ZFP3: variants seen among roughly 807,000 people sequenced by gnomAD.
The protein encoded by ZFP3 is zinc finger protein 3 homolog.
In ZFP3, 18 loss-of-function variants were observed where a neutral mutation model predicts 36.7. That is an observed-to-expected ratio of 0.49 (90% CI 0.34 to 0.73). ZFP3 has a LOEUF of 0.73. ZFP3 is among the 30% of genes least tolerant of loss of function. ZFP3 has a pLI of 0.01. For missense variants in ZFP3, 495 were observed against 599.0 expected (o/e 0.83, Z 1.81); for synonymous variants, 218 against 199.0 (o/e 1.10, Z -0.81).
rs975579354 is a variant in ZFP3 at position 5,078,677 on chromosome 17, G to C, written c.-9+102G>C. 1 of 152,406 alleles carries C rather than the reference G, an allele frequency of 6.6e-6. No individual in the cohort carries two copies. Among genetic ancestry groups the C allele is most frequent in the Non-Finnish European group, 1.5e-5 (1 of 68,194 alleles). The allele number at this position is 152,406 out of a possible 1,614,324, so 9.4% of individuals were successfully genotyped here. A position where few individuals can be genotyped will look rare whatever the true frequency, so the allele number is the denominator to read the frequency against. On this transcript the variant is annotated intron_variant, in intron 1 of 1. Coordinates refer to ENST00000318833, the MANE Select transcript of ZFP3 (RefSeq NM_153018.3). This position sits in a 1 kb window ranked among gnomAD's most constrained non-coding sequence, Gnocchi z 4.5. ...CCCTACGTTTAGGCCCGTTCTGACC[G>C]GGGTTCGCTGTGTGACCTTGAAGTT...
chr17:5,084,852 G>C (rs2072112890), intron 1 of ZFP3, among the ~76,000 whole-genome samples: 1 of 152,236 alleles, frequency 6.6e-6, no homozygotes, highest in South Asian at 2.1e-4. Flanking sequence ...ATGAGAAGTG[G>C]TGTTTCCATA....
intron 1 of ZFP3, among the ~76,000 whole-genome samples, chr17:5,084,225 T>A (rs1278071773): frequency 1.3e-5 from 2 of 149,630 alleles, no homozygotes; most frequent in African/African-American, 2.5e-5. Flanking sequence ...TGTTGTTAAT[T>A]AATAGATATC....
intron 1 of ZFP3, among the ~76,000 whole-genome samples, chr17:5,082,444 C>T (rs1007267061): frequency 6.6e-6 from 1 of 152,208 alleles, no homozygotes; most frequent in African/African-American, 2.4e-5. Flanking sequence ...AATCCTCTAG[C>T]GTGCCATACA....
Position 5,091,871 on chromosome 17 carries a change from C to G in ZFP3, c.367C>G (p.Leu123Val). 6.2e-7 allele frequency: 1 copy of G among 1,614,164 alleles called. No homozygotes were observed. Among genetic ancestry groups the G allele is most frequent in the Non-Finnish European group, 8.5e-7 (1 of 1,180,012 alleles). The part of the protein sequence containing the change: ...SAFATSGQNF[L>V]EILESNKTQR... Reference sequence around the variant, plus strand: ...ATTTGCTACCTCTGGCCAAAACTTCCTAGAGATTTTAGAATCTAACAAAAC... The same window carrying G: ...ATTTGCTACCTCTGGCCAAAACTTCGTAGAGATTTTAGAATCTAACAAAAC... Residue 123 changes from leucine (L) to valine (V), a missense_variant, in exon 2 of 2, where the codon CTA becomes GTA. Coordinates refer to ENST00000318833, the MANE Select transcript of ZFP3 (RefSeq NM_153018.3).
chr17:5,088,593 C>T (rs2072133236), intron 1 of ZFP3, among the ~76,000 whole-genome samples: 3 of 151,746 alleles, frequency 2.0e-5, no homozygotes, highest in African/African-American at 4.8e-5. Flanking sequence ...GGACTACAGG[C>T]GCCCGCCACC....
Position 5,096,185 on chromosome 17 carries a change from T to C in ZFP3, c.*3172T>C, listed in dbSNP as rs1250435350. 1 of 167,016 alleles carries C rather than the reference T, an allele frequency of 6.0e-6. No homozygotes were observed. The highest frequency in any genetic ancestry group is 1.5e-5 in the Non-Finnish European group (1 of 68,108). 10.3% of individuals were successfully genotyped at this position (167,016 alleles called of 1,614,324 possible). Reference sequence around the variant, plus strand: ...TGCAAATACTATCAAGGAAAGGACATGAATTGTCTTAATTTTAGACCCATT... The same window carrying C: ...TGCAAATACTATCAAGGAAAGGACACGAATTGTCTTAATTTTAGACCCATT... On this transcript the variant is annotated 3_prime_UTR_variant, in exon 2 of 2. Coordinates refer to ENST00000318833, the MANE Select transcript of ZFP3 (RefSeq NM_153018.3).
At chr17:5,083,723 C>G (rs568687419) in intron 1 of ZFP3, among the ~76,000 whole-genome samples, 1 of 152,096 alleles carries the variant, frequency 6.6e-6, no homozygotes, top group Non-Finnish European at 1.5e-5. Flanking sequence ...TGGATTCTCA[C>G]GCAGCTAGCC....
intron 1 of ZFP3, among the ~76,000 whole-genome samples, chr17:5,081,978 G>T (rs1398757683): frequency 6.7e-5 from 10 of 150,092 alleles, no homozygotes; most frequent in Non-Finnish European, 1.2e-4. Context: ...TTTGGAGGCC[G>T]AGGTGGGTGG....
chr17:5,083,738 TCCAGGCCAGGAA>T (rs1380054920), intron 1 of ZFP3, among the ~76,000 whole-genome samples: 2 of 152,178 alleles, frequency 1.3e-5, no homozygotes, highest in Non-Finnish European at 2.9e-5. Context: ...CTAGCCTAGT[TCCAGGCCAGGAA>T]CCATTGTTTA....
intron 1 of ZFP3, among the ~76,000 whole-genome samples, chr17:5,086,306 T>A (rs1050783459): frequency 2.0e-5 from 3 of 152,110 alleles, no homozygotes; most frequent in African/African-American, 7.2e-5. Flanking sequence ...CCGGATGGTG[T>A]TAGTAACCAA....
chr17:5,083,871 CTTTTCTTTTT>C (rs1244309751), intron 1 of ZFP3, among the ~76,000 whole-genome samples: 1 of 109,002 alleles, frequency 9.2e-6, no homozygotes, highest in African/African-American at 2.7e-5. Flanking sequence ...CTTTTCTTTT[CTTTTCTTTTT>C]TTTGAGATGG....
In ZFP3 at chr17:5,094,558, T is replaced by G. The variant is rs894704613; in HGVS notation, c.*1545T>G. 7 of 167,114 alleles carry G rather than the reference T, an allele frequency of 4.2e-5. No homozygotes were observed. The highest frequency in any genetic ancestry group is 1.7e-4 in the African/African-American group (7 of 41,470). The allele number at this position is 167,114 out of a possible 1,614,324, so 10.4% of individuals were successfully genotyped here. Reference sequence around the variant, plus strand: ...GCACTTCACCTGCTGGTCTCCAATTTTCTCCTCTGTAAAATGAAAGAGTTG... The same window carrying G: ...GCACTTCACCTGCTGGTCTCCAATTGTCTCCTCTGTAAAATGAAAGAGTTG... On this transcript the variant is annotated 3_prime_UTR_variant, in exon 2 of 2. Transcript: ENST00000318833.
chr17:5,091,869 TC>T lies in ZFP3; in HGVS notation c.367del (p.Leu123Ter). On this transcript the variant is annotated frameshift_variant, in exon 2 of 2. Coordinates refer to ENST00000318833, the MANE Select transcript of ZFP3 (RefSeq NM_153018.3). LOFTEE classifies it high-confidence loss of function. The part of the protein sequence containing the change: ...VSAFATSGQN[F>X]LEILESNKTQ... ...GCATTTGCTACCTCTGGCCAAAACTTCCTAGAGATTTTAGAATCTAACAAAA... is the reference window on the plus strand; with the variant it reads ...GCATTTGCTACCTCTGGCCAAAACTTCTAGAGATTTTAGAATCTAACAAAA... 1.2e-6 allele frequency: 2 copies of T among 1,614,126 alleles called. No homozygotes were observed. The highest frequency in any genetic ancestry group is 1.7e-6 in the Non-Finnish European group (2 of 1,180,032).
chr17:5,092,138 C>G lies in ZFP3; in HGVS notation c.634C>G (p.Leu212Val). ...AAAGGCCTTCATTCAGAGTTCACAC[C>G]TTATTCACCATCATAGAATTCATAC... ...CGKAFIQSSH[L>V]IHHHRIHTGE... The change falls in exon 2 of 2, where the codon CTT (leucine) becomes GTT (valine). Residue 212 changes from leucine to valine, a missense_variant. Leu to Val is a conservative substitution (Grantham distance 32). Coordinates refer to ENST00000318833, the MANE Select transcript of ZFP3 (RefSeq NM_153018.3). The surrounding 1 kb of genome is among the most constrained non-coding windows in gnomAD (Gnocchi z 5.0). The G allele has an allele frequency of 6.2e-7, 1 of 1,614,128 alleles. No homozygotes were observed. The highest frequency in any genetic ancestry group is 8.5e-7 in the Non-Finnish European group (1 of 1,180,034).
chr17:5,090,734 A>C (rs552909430), intron 1 of ZFP3, among the ~76,000 whole-genome samples: 10 of 151,958 alleles, frequency 6.6e-5, no homozygotes, highest in African/African-American at 2.4e-4. Flanking sequence ...GCAGTGGTGC[A>C]GTCTCCACTT....
rs61053618 is a variant in ZFP3 at position 5,093,175 on chromosome 17, C to CTT, written c.*179_*180dup. The CTT allele has an allele frequency of 3.9e-5, 19 of 490,118 alleles. No homozygotes were observed. Among genetic ancestry groups the CTT allele is most frequent in the Non-Finnish European group, 4.4e-5 (13 of 294,686 alleles). The allele number at this position is 490,118 out of a possible 1,614,324, so 30.4% of individuals were successfully genotyped here. On this transcript the variant is annotated 3_prime_UTR_variant, in exon 2 of 2. Transcript: ENST00000318833. ...ATAGTTGGTTGAAGAAGATGAGGCA[C>CTT]TTTTTTTTTTTTTTTTTTAAGCATT...
In ZFP3 at chr17:5,096,047, A is replaced by G. The variant is rs1193040518; in HGVS notation, c.*3034A>G. The G allele has an allele frequency of 6.0e-6, 1 of 166,992 alleles. No homozygotes were observed. The highest frequency in any genetic ancestry group is 1.5e-5 in the Non-Finnish European group (1 of 68,116). The allele number at this position is 166,992 out of a possible 1,614,324, so 10.3% of individuals were successfully genotyped here. A position where few individuals can be genotyped will look rare whatever the true frequency, so the allele number is the denominator to read the frequency against. On this transcript the variant is annotated 3_prime_UTR_variant, in exon 2 of 2. Coordinates refer to ENST00000318833, the MANE Select transcript of ZFP3 (RefSeq NM_153018.3). ...TTAACCTCAATTCTCTGTCCTCTTC[A>G]TGTCTTACCCAGATATCTCAGGAAG...
Position 5,095,992 on chromosome 17 carries a change from G to A in ZFP3, c.*2979G>A, listed in dbSNP as rs1276015168. ...AGATTTCTGGTGAATGAAATCACTTGTATCTTATTAGGTACATATACGCAA... is the reference window on the plus strand; with the variant it reads ...AGATTTCTGGTGAATGAAATCACTTATATCTTATTAGGTACATATACGCAA... On this transcript the variant is annotated 3_prime_UTR_variant, in exon 2 of 2. Coordinates refer to ENST00000318833, the MANE Select transcript of ZFP3 (RefSeq NM_153018.3). 5 of 166,892 alleles carry A rather than the reference G, an allele frequency of 3.0e-5. No individual in the cohort carries two copies. The highest frequency in any genetic ancestry group is 1.2e-4 in the African/African-American group (5 of 41,384). 10.3% of individuals were successfully genotyped at this position (166,892 alleles called of 1,614,324 possible).
At chr17:5,081,762 C>T (rs942061916) in intron 1 of ZFP3, among the ~76,000 whole-genome samples, 5 of 151,260 alleles carry the variant, frequency 3.3e-5, no homozygotes, top group African/African-American at 4.8e-5. Flanking sequence ...CCACCACGCC[C>T]GGCTAATTTT....
Sources: gnomAD v4.1 joint callset for allele counts (sites outside exome capture counted in the v4.1 genomes callset) on GRCh38, gnomAD v4.1.1 for gene constraint, Gnocchi (gnomAD v3.1) non-coding constraint, MANE v1.5 for transcripts, NCBI Gene and HGNC (gene_info 2026-07-23, HGNC 2026-07-21) for gene names.